TNXB: variants seen among roughly 807,000 people sequenced by gnomAD.
The protein encoded by TNXB is tenascin-X.
Under a neutral mutation model 340.5 loss-of-function variants are expected in TNXB, and 183 were observed. That is an observed-to-expected ratio of 0.54 (90% CI 0.48 to 0.61). The LOEUF is 0.61. Ranked by LOEUF, TNXB falls within the 20% of genes least tolerant of loss-of-function variation. The probability of loss-of-function intolerance (pLI) is 0.00; values close to 1 mark genes in which losing one functional copy is unlikely to be tolerated. For synonymous variants in TNXB, 2,121 were observed against 2,314.5 expected (o/e 0.92, Z 2.40); for missense variants, 4,613 against 5,446.4 (o/e 0.85, Z 4.82).
At position 32,042,015 on chromosome 6, in the gene TNXB, C is replaced by T. The variant is rs762735515; in HGVS notation, c.12466G>A (p.Ala4156Thr). The change falls in exon 42 of 44, where the codon GCA becomes ACA. Residue 4156 changes from alanine (A) to threonine (T), a missense_variant. Transcript: ENST00000644971. Reference sequence around the variant, plus strand: ...CAGCCTCACAGCCTCTGCTTACCTGCGGTGCCGTGGTAGCCCTCCAAGTGG... The same window carrying T: ...CAGCCTCACAGCCTCTGCTTACCTGTGGTGCCGTGGTAGCCCTCCAAGTGG... ...RLHLEGYHGT[A>T]GDSMSYHSGS... The T allele has an allele frequency of 9.2e-6, 5 of 541,582 alleles. No individual in the cohort carries two copies. The highest frequency in any genetic ancestry group is 6.5e-5 in the Admixed American group (2 of 30,674). 33.5% of individuals were successfully genotyped at this position (541,582 alleles called of 1,614,324 possible).
chr6:32,048,097 C>T, intron 29 of TNXB, 85 bp from the exon 30 acceptor site: 7 of 1,485,116 alleles, frequency 4.7e-6, no homozygotes, highest in Admixed American at 2.0e-5. Flanking sequence ...CTCTGTGAGC[C>T]GGTCCCAGGA....
intron 1 of TNXB, among the ~76,000 whole-genome samples, chr6:32,103,061 T>C (rs1269854): frequency 0.056 from 8,539 of 152,238 alleles, 343 homozygotes; most frequent in African/African-American, 0.11. Context: ...GGTGGTTACA[T>C]AGATATATAC....
Position 32,087,631 on chromosome 6 carries a change from G to A in TNXB, c.2779+1154C>T, listed in dbSNP as rs1275853718. Reference sequence around the variant, plus strand: ...GGCGGTGGGGCGGGGGTGGCGGGGCGGGGGTGCGGGGGAGCCGGCTGGGGC... The same window carrying A: ...GGCGGTGGGGCGGGGGTGGCGGGGCAGGGGTGCGGGGGAGCCGGCTGGGGC... On this transcript the variant is annotated intron_variant, in intron 6 of 43. Coordinates refer to ENST00000644971, the MANE Select transcript of TNXB (RefSeq NM_001365276.2). This position sits in a 1 kb window ranked among gnomAD's most constrained non-coding sequence, Gnocchi z 9.0. 5.0e-6 allele frequency: 2 copies of A among 402,192 alleles called. No homozygotes were observed. The highest frequency in any genetic ancestry group is 2.1e-5 in the African/African-American group (1 of 48,276). 24.9% of individuals were successfully genotyped at this position (402,192 alleles called of 1,614,324 possible). A position where few individuals can be genotyped will look rare whatever the true frequency, so the allele number is the denominator to read the frequency against.
In TNXB at chr6:32,073,685, C is replaced by T. The variant is rs764276191; in HGVS notation, c.4643G>A (p.Gly1548Glu). Residue 1548 changes from glycine to glutamate, a missense_variant, in exon 12 of 44, where the codon GGG becomes GAG. Coordinates refer to ENST00000644971, the MANE Select transcript of TNXB (RefSeq NM_001365276.2). This position sits in a 1 kb window ranked among gnomAD's most constrained non-coding sequence, Gnocchi z 4.6. ...CACAGACAGGGGGCCCATGCGTTGC[C>T]CATCATGTAGTCCATACATGTTCAT... ...YKMNMYGLHD[G>E]QRMGPLSVVI... The T allele has an allele frequency of 6.2e-7, 1 of 1,609,754 alleles. No individual in the cohort carries two copies. The highest frequency in any genetic ancestry group is 8.5e-7 in the Non-Finnish European group (1 of 1,178,608).
chr6:32,071,578 CTTTTTTTTT>C (rs10694435), intron 13 of TNXB, among the ~76,000 whole-genome samples: 10 of 139,958 alleles, frequency 7.1e-5, no homozygotes, highest in African/African-American at 2.6e-4. Context: ...GCTTTTCTTT[CTTTTTTTTT>C]TTTTTTGGTC....
At chr6:32,100,398 C>A (rs1780656206) in intron 1 of TNXB, among the ~76,000 whole-genome samples, 1 of 152,156 alleles carries the variant, frequency 6.6e-6, no homozygotes, top group South Asian at 2.1e-4. Context: ...AGTCACTGCA[C>A]CCAGCCGCAA....
rs551987296 is a variant in TNXB, at chr6:32,090,647, C to T, written c.2359-1268G>A. ...AGTATAAAACCAGATGAGAAGGCCA[C>T]GTAGAGATTTCTGGGTTGAGGATGA... On this transcript the variant is annotated intron_variant, in intron 4 of 43. Coordinates refer to ENST00000644971, the MANE Select transcript of TNXB (RefSeq NM_001365276.2). The surrounding 1 kb of genome is among the most constrained non-coding windows in gnomAD (Gnocchi z 4.3). Among the ~76,000 whole-genome samples, 3 of 152,142 alleles carry T rather than the reference C, an allele frequency of 2.0e-5. No homozygotes were observed. The highest frequency in any genetic ancestry group is 4.4e-5 in the Non-Finnish European group (3 of 68,032).
rs568613138 is a variant in TNXB at position 32,081,443 on chromosome 6, G to T, written c.3967C>A (p.Arg1323=). The part of the protein sequence containing the change: ...EVTVPGLDPD[R]KYKMNLYGLR... ...CCGTAGAGGTTCATCTTATACTTCC[G>T]GTCGGGATCCAGGCCGGGGACAGTA... The change falls in exon 10 of 44, where the codon CGG becomes AGG. Residue 1323 remains arginine, a synonymous_variant. Coordinates refer to ENST00000644971, the MANE Select transcript of TNXB (RefSeq NM_001365276.2). The surrounding 1 kb of genome is among the most constrained non-coding windows in gnomAD (Gnocchi z 5.1). 5 of 1,577,846 alleles carry T rather than the reference G, an allele frequency of 3.2e-6. No homozygotes were observed. The highest frequency in any genetic ancestry group is 4.6e-5 in the East Asian group (2 of 43,092).
In TNXB at chr6:32,097,907, A is replaced by G. The variant is rs1562879498; in HGVS notation, c.292T>C (p.Ser98Pro). The change falls in exon 2 of 44, where the codon TCA (serine) becomes CCA (proline). Residue 98 changes from serine to proline, a missense_variant. This residue lies in a region of TNXB where 4,327 missense variants were observed against 4,859.4 expected (regional missense o/e 0.89). Coordinates refer to ENST00000644971, the MANE Select transcript of TNXB (RefSeq NM_001365276.2). The surrounding 1 kb of genome is among the most constrained non-coding windows in gnomAD (Gnocchi z 5.9). ...CGGACCCTCAGGGCCTGTACCTCTG[A>G]AGCAAGGACTGGGGGCTCGGTGCCT... ...PPGTEPPVLA[S>P]EVQALRVRLE... The G allele has an allele frequency of 3.8e-6, 6 of 1,586,654 alleles. No homozygotes were observed. The highest frequency in any genetic ancestry group is 5.2e-6 in the Non-Finnish European group (6 of 1,161,582).
At position 32,067,605 on chromosome 6, in the gene TNXB, C is replaced by T; in HGVS notation, c.6544+56G>A. ...TTCTGGGTCCCTAGTGGAGGAGATGCTGGAGGCTGTACTTTGCTAAGACCC... is the reference window on the plus strand; with the variant it reads ...TTCTGGGTCCCTAGTGGAGGAGATGTTGGAGGCTGTACTTTGCTAAGACCC... On this transcript the variant is annotated intron_variant, in intron 18 of 43. Coordinates refer to ENST00000644971, the MANE Select transcript of TNXB (RefSeq NM_001365276.2). This position sits in a 1 kb window ranked among gnomAD's most constrained non-coding sequence, Gnocchi z 4.2. 1 of 1,575,022 alleles carries T rather than the reference C, an allele frequency of 6.3e-7. No homozygotes were observed. The highest frequency in any genetic ancestry group is 1.9e-5 in the Admixed American group (1 of 53,904).
At position 32,085,864 on chromosome 6, in the gene TNXB, C is replaced by A; in HGVS notation, c.3034G>T (p.Val1012Phe). 6.2e-7 allele frequency: 1 copy of A among 1,608,738 alleles called. No individual in the cohort carries two copies. The highest frequency in any genetic ancestry group is 2.2e-5 in the East Asian group (1 of 44,878). Residue 1012 changes from valine (V) to phenylalanine (F), a missense_variant, in exon 7 of 44, where the codon GTC becomes TTC. Around this residue, in one of 7 missense-constraint regions of TNXB, gnomAD observed 4,327 missense variants for 4,859.4 expected, o/e 0.89. Coordinates refer to ENST00000644971, the MANE Select transcript of TNXB (RefSeq NM_001365276.2). This position sits in a 1 kb window ranked among gnomAD's most constrained non-coding sequence, Gnocchi z 6.4. The part of the protein sequence containing the change: ...GAHEEVLPGD[V>F]RQALVPPPPP... ...GGTGGAGGCACCAGAGCCTGGCGGA[C>A]GTCCCCTGGCAGCACTTCCTCATGT...
chr6:32,077,177 C>T (rs1779127070), intron 11 of TNXB, among the ~76,000 whole-genome samples: 1 of 152,110 alleles, frequency 6.6e-6, no homozygotes. Context: ...GTCCCTGGGA[C>T]AGAGCGGCAG....
Position 32,042,021 on chromosome 6 carries a change from C to T in TNXB, c.12460G>A (p.Gly4154Ser), listed in dbSNP as rs1233203672. The T allele has an allele frequency of 5.6e-6, 3 of 540,228 alleles. No homozygotes were observed. The highest frequency in any genetic ancestry group is 3.3e-5 in the Admixed American group (1 of 30,602). The allele number at this position is 540,228 out of a possible 1,614,324, so 33.5% of individuals were successfully genotyped here. The part of the protein sequence containing the change: ...YYRLHLEGYH[G>S]TAGDSMSYHS... Reference sequence around the variant, plus strand: ...CACAGCCTCTGCTTACCTGCGGTGCCGTGGTAGCCCTCCAAGTGGAGGCGG... The same window carrying T: ...CACAGCCTCTGCTTACCTGCGGTGCTGTGGTAGCCCTCCAAGTGGAGGCGG... Residue 4154 changes from glycine to serine, a missense_variant, in exon 42 of 44, where the codon GGC becomes AGC. Transcript: ENST00000644971.
chr6:32,101,864 C>T (rs960976111), intron 1 of TNXB, among the ~76,000 whole-genome samples: 1 of 152,186 alleles, frequency 6.6e-6, no homozygotes, highest in African/African-American at 2.4e-5. Flanking sequence ...GCTGGAACTA[C>T]AGATGGGCAT....
chr6:32,055,942 C>A lies in TNXB; in HGVS notation c.8376G>T (p.Gly2792=). Residue 2792 remains glycine, a synonymous_variant, in exon 24 of 44, where the codon GGG becomes GGT. Transcript: ENST00000644971. ...VRGEESEVTV[G]GLEPGRKYKM... ...TGTATTTGCGCCCGGGCTCCAGGCC[C>A]CCCACGGTGACCTCGCTCTCCTCGC... 6.2e-7 allele frequency: 1 copy of A among 1,613,460 alleles called. No homozygotes were observed. The highest frequency in any genetic ancestry group is 8.5e-7 in the Non-Finnish European group (1 of 1,179,856).
intron 24 of TNXB, among the ~76,000 whole-genome samples, chr6:32,054,012 G>A (rs1777475426): frequency 6.6e-6 from 1 of 151,700 alleles, no homozygotes; most frequent in African/African-American, 2.4e-5. Flanking sequence ...TCCCTGCACT[G>A]GTGTCTCCTC....
chr6:32,057,213 G>T (rs756433210), intron 22 of TNXB, among the ~76,000 whole-genome samples: 2 of 152,070 alleles, frequency 1.3e-5, no homozygotes, highest in Non-Finnish European at 2.9e-5. Flanking sequence ...CAGCACTGGG[G>T]TCTCTTCGCC....
intron 1 of TNXB, among the ~76,000 whole-genome samples, chr6:32,104,569 A>T (rs1201068450): frequency 6.6e-6 from 1 of 151,640 alleles, no homozygotes; most frequent in Non-Finnish European, 1.5e-5. Flanking sequence ...TCTCCCACTT[A>T]CCTTCATTCT....
At position 32,097,390 on chromosome 6, in the gene TNXB, T is replaced by C. The variant is rs772323777; in HGVS notation, c.463A>G (p.Thr155Ala). ...CCCCAGCCTGGCTCACAGGAACAGG[T>C]GCAGCGGCTCAGATCAAACACACCA... ...LHGVFDLSRC[T>A]CSCEPGWGGP... Residue 155 changes from threonine to alanine, a missense_variant, in exon 3 of 44, where the codon ACC (threonine) becomes GCC (alanine). This residue lies in a region of TNXB where 4,327 missense variants were observed against 4,859.4 expected (regional missense o/e 0.89). Coordinates refer to ENST00000644971, the MANE Select transcript of TNXB (RefSeq NM_001365276.2). The surrounding 1 kb of genome is among the most constrained non-coding windows in gnomAD (Gnocchi z 5.9). The C allele has an allele frequency of 6.2e-7, 1 of 1,610,540 alleles. No homozygotes were observed. The highest frequency in any genetic ancestry group is 8.5e-7 in the Non-Finnish European group (1 of 1,179,570).
Sources: allele counts gnomAD v4.1 joint callset (sites outside exome capture counted in the v4.1 genomes callset), GRCh38; gene constraint gnomAD v4.1.1; regional missense constraint gnomAD v4.1.1; non-coding constraint Gnocchi (gnomAD v3.1); transcripts MANE v1.5; gene names NCBI Gene and HGNC (gene_info 2026-07-23, HGNC 2026-07-21).